Variants in ADGRL3 observed in about 807,000 individuals in gnomAD.
ADGRL3 encodes calcium-independent alpha-latrotoxin receptor 3.
A neutral mutation model predicts 153.5 loss-of-function variants in ADGRL3; 62 were observed. The observed-to-expected ratio is 0.40, with a 90% CI of 0.33 to 0.50. ADGRL3 has a LOEUF of 0.50. ADGRL3 is among the 20% of genes least tolerant of loss of function. The pLI is 0.47. For missense variants in ADGRL3, 1,641 were observed against 1,859.4 expected (o/e 0.88, Z 2.16); for synonymous variants, 710 against 672.5 (o/e 1.06, Z -0.86).
intron 1 of ADGRL3, among the ~76,000 whole-genome samples, chr4:61,219,327 T>G (rs1744312128): frequency 6.6e-6 from 1 of 152,240 alleles, no homozygotes; most frequent in African/African-American, 2.4e-5. Flanking sequence ...AATCTGGATT[T>G]ATTTTTTACC....
chr4:61,339,360 T>C (rs970245630), intron 1 of ADGRL3, among the ~76,000 whole-genome samples: 1 of 152,226 alleles, frequency 6.6e-6, no homozygotes, highest in Non-Finnish European at 1.5e-5. Context: ...TGGTTTTGTT[T>C]TATTTTGATA....
At chr4:61,760,457 C>T (rs1294379935) in intron 8 of ADGRL3, among the ~76,000 whole-genome samples, 1 of 152,174 alleles carries the variant, frequency 6.6e-6, no homozygotes, top group African/African-American at 2.4e-5. Context: ...CCCTCTGAGC[C>T]AGGCACGGGA....
intron 24 of ADGRL3, 46 bp downstream of exon 24, chr4:62,037,902 C>T (rs756425247): frequency 6.2e-7 from 1 of 1,607,738 alleles, no homozygotes; most frequent in Admixed American, 1.7e-5. Flanking sequence ...TTAACTATAC[C>T]AGTTACTGTC....
chr4:61,222,235 T>G (rs556207753), intron 1 of ADGRL3, among the ~76,000 whole-genome samples: 2 of 152,124 alleles, frequency 1.3e-5, no homozygotes, highest in Non-Finnish European at 2.9e-5. Context: ...ACATAAAGCT[T>G]ATCTTTACCT....
At chr4:61,377,102 C>T (rs1418919454) in intron 1 of ADGRL3, among the ~76,000 whole-genome samples, 3 of 152,036 alleles carry the variant, frequency 2.0e-5, no homozygotes, top group Non-Finnish European at 4.4e-5. Flanking sequence ...AGCACGGGTT[C>T]TTCCGTTCCC....
At chr4:62,062,918 GATT>G (rs1740976363) in intron 25 of ADGRL3, among the ~76,000 whole-genome samples, 1 of 152,052 alleles carries the variant, frequency 6.6e-6, no homozygotes, top group Non-Finnish European at 1.5e-5. Flanking sequence ...ACTAATGAGT[GATT>G]ATATTTTATT....
At chr4:61,808,718 A>C (rs984619079) in intron 8 of ADGRL3, among the ~76,000 whole-genome samples, 3 of 150,354 alleles carry the variant, frequency 2.0e-5, no homozygotes, top group Non-Finnish European at 2.9e-5. Context: ...CAACACATTG[A>C]CCTATGGGTT....
intron 9 of ADGRL3, among the ~76,000 whole-genome samples, chr4:61,854,691 A>ACTTGCTAC (rs1365710708): frequency 6.6e-6 from 1 of 152,164 alleles, no homozygotes; most frequent in Non-Finnish European, 1.5e-5. Context: ...GGCTGCACTA[A>ACTTGCTAC]CTTGCTACCA....
intron 1 of ADGRL3, among the ~76,000 whole-genome samples, chr4:61,330,149 G>C (rs2095543099): frequency 6.6e-6 from 1 of 152,180 alleles, no homozygotes; most frequent in Non-Finnish European, 1.5e-5. Context: ...TTCAAGGACA[G>C]ACGTATTCTT....
chr4:61,737,083 T>C (rs112269502), intron 8 of ADGRL3, among the ~76,000 whole-genome samples: 1,854 of 151,578 alleles, frequency 0.012, 17 homozygotes, highest in Middle Eastern at 0.02. Context: ...TTTTTTTTTT[T>C]CCCCAAAGAA....
At chr4:61,681,157 A>T (rs2095325988) in intron 6 of ADGRL3, among the ~76,000 whole-genome samples, 1 of 152,036 alleles carries the variant, frequency 6.6e-6, no homozygotes, top group African/African-American at 2.4e-5. Flanking sequence ...TGAGATTGAA[A>T]TTGTGTCATC....
Position 61,201,591 on chromosome 4 carries a change from T to TG in ADGRL3, c.-413dup, listed in dbSNP as rs1184474038. The TG allele has an allele frequency of 6.6e-6, 1 of 152,410 alleles. No individual in the cohort carries two copies. Among genetic ancestry groups the TG allele is most frequent in the Non-Finnish European group, 1.5e-5 (1 of 68,224 alleles). The allele number at this position is 152,410 out of a possible 1,614,324, so 9.4% of individuals were successfully genotyped here. ...TCCTTGACTGGGGTCTCCACCCTCCTGCTGCTTTCTCTGCGCTTCGATTCT... is the reference window on the plus strand; with the variant it reads ...TCCTTGACTGGGGTCTCCACCCTCCTGGCTGCTTTCTCTGCGCTTCGATTCT... On this transcript the variant is annotated 5_prime_UTR_variant, in exon 1 of 27. Transcript: ENST00000683033.
Position 61,383,033 on chromosome 4 carries a change from A to C in ADGRL3, c.-239-91A>C, listed in dbSNP as rs547272222. 8 of 151,924 alleles carry C rather than the reference A, an allele frequency of 5.3e-5. No individual in the cohort carries two copies. In the East Asian group the frequency reaches 1.4e-3, roughly 26 times the overall value. 9.4% of individuals were successfully genotyped at this position (151,924 alleles called of 1,614,324 possible). A position where few individuals can be genotyped will look rare whatever the true frequency, so the allele number is the denominator to read the frequency against. ...AATAATAGACTTGACAACCAACAGG[A>C]AATATTCAAAGCATTCTACAACTGT... is the stretch of plus-strand genomic sequence containing the variant. On this transcript the variant is annotated intron_variant, in intron 1 of 26. Coordinates refer to ENST00000683033, the MANE Select transcript of ADGRL3 (RefSeq NM_001387552.1).
chr4:61,781,960 A>G (rs1301949386), intron 8 of ADGRL3, among the ~76,000 whole-genome samples: 1 of 152,186 alleles, frequency 6.6e-6, no homozygotes, highest in Non-Finnish European at 1.5e-5. Context: ...ACAAATACTT[A>G]TCGAATACTT....
chr4:62,055,464 T>A (rs1736490373), intron 25 of ADGRL3, among the ~76,000 whole-genome samples: 1 of 151,798 alleles, frequency 6.6e-6, no homozygotes, highest in African/African-American at 2.4e-5. Flanking sequence ...CTATTAAAAG[T>A]GCACAGTGTG....
At chr4:61,535,723 C>A (rs1349375625) in intron 4 of ADGRL3, among the ~76,000 whole-genome samples, 1 of 151,884 alleles carries the variant, frequency 6.6e-6, no homozygotes, top group Non-Finnish European at 1.5e-5. Context: ...CTAGTTTGTG[C>A]ACATAGAGAT....
intron 1 of ADGRL3, among the ~76,000 whole-genome samples, chr4:61,340,736 C>T (rs929287004): frequency 6.6e-6 from 1 of 151,632 alleles, no homozygotes; most frequent in Non-Finnish European, 1.5e-5. Context: ...TATTTAGCAA[C>T]AATACAGTTA....
chr4:61,859,242 G>T, intron 9 of ADGRL3, among the ~76,000 whole-genome samples: 1 of 152,154 alleles, frequency 6.6e-6, no homozygotes, highest in East Asian at 1.9e-4. Flanking sequence ...ATTTAGAGGT[G>T]TTTCATTTAA....
At chr4:61,532,460 C>A (rs770562958) in intron 4 of ADGRL3, among the ~76,000 whole-genome samples, 16 of 151,998 alleles carry the variant, frequency 1.1e-4, no homozygotes, top group South Asian at 8.3e-4. Context: ...ACATCATTGA[C>A]CCCAGGGGTC....
Sources: allele counts gnomAD v4.1 joint callset (sites outside exome capture counted in the v4.1 genomes callset), GRCh38; gene constraint gnomAD v4.1.1; transcripts MANE v1.5; gene names NCBI Gene and HGNC (gene_info 2026-07-23, HGNC 2026-07-21).